The following CLXN variants were observed in gnomAD, a reference collection of about 807,000 sequenced individuals.
CLXN encodes the protein EF-hand calcium binding domain 1.
At chr8:48,720,759 C>T in the CLXN span, among the ~76,000 whole-genome samples, 4 of 152,122 alleles carry the variant, frequency 2.6e-5, no homozygotes, top group Admixed American at 2.0e-4. Flanking sequence ...CCTATTCTTA[C>T]AGCCCCTCCC....
chr8:48,711,072 T>TAATG, the CLXN span: 1 of 152,164 alleles, frequency 6.6e-6, no homozygotes, highest in South Asian at 2.1e-4. Flanking sequence ...AGAACATGGG[T>TAATG]AATGGCCTGG....
At chr8:48,729,090 T>G in the CLXN span, 1 of 1,613,572 alleles carries the variant, frequency 6.2e-7, no homozygotes, top group Admixed American at 1.7e-5. Flanking sequence ...GAAGAGTCTC[T>G]TCTCTCACAG....
the CLXN span, among the ~76,000 whole-genome samples, chr8:48,725,831 A>C: frequency 6.6e-6 from 1 of 151,830 alleles, no homozygotes; most frequent in Non-Finnish European, 1.5e-5. Context: ...ATAAATAAAT[A>C]AATAAATAAA....
chr8:48,727,689 G>A, the CLXN span, among the ~76,000 whole-genome samples: 1 of 152,132 alleles, frequency 6.6e-6, no homozygotes, highest in Non-Finnish European at 1.5e-5. Context: ...AACCCTCTGG[G>A]GGGTTTTGAG....
the CLXN span, chr8:48,711,057 G>A: frequency 2.0e-5 from 3 of 152,184 alleles, no homozygotes; most frequent in East Asian, 3.9e-4. Context: ...GAGGCAGTCA[G>A]GGCTAGAACA....
chr8:48,733,066 T>G, the CLXN span, among the ~76,000 whole-genome samples: 1 of 152,196 alleles, frequency 6.6e-6, no homozygotes, highest in South Asian at 2.1e-4. Flanking sequence ...TGCCATGAAA[T>G]TAAGCACTTA....
At chr8:48,729,992 GA>G in the CLXN span, 1 of 812,184 alleles carries the variant, frequency 1.2e-6, no homozygotes, top group Non-Finnish European at 1.9e-6. Context: ...AGTGCAGCCT[GA>G]TTTGCATTGT....
chr8:48,721,152 C>A, the CLXN span, among the ~76,000 whole-genome samples: 1 of 152,134 alleles, frequency 6.6e-6, no homozygotes, highest in South Asian at 2.1e-4. Flanking sequence ...AAAAATCAGT[C>A]ACGTTTCTAC....
the CLXN span, chr8:48,729,015 A>T: frequency 8.4e-6 from 13 of 1,545,656 alleles, no homozygotes; most frequent in Non-Finnish European, 1.1e-5. Flanking sequence ...TACTTTGATT[A>T]CCGTTCAGGG....
chr8:48,728,993 T>C, the CLXN span: 3 of 1,391,064 alleles, frequency 2.2e-6, no homozygotes, highest in Non-Finnish European at 3.0e-6. Flanking sequence ...AGTCCTGGGT[T>C]GTTCTACATT....
chr8:48,731,621 T>G, the CLXN span: 25 of 751,348 alleles, frequency 3.3e-5, no homozygotes, highest in Non-Finnish European at 5.0e-5. Flanking sequence ...TAATTGTCAA[T>G]AGAAGACTCT....
the CLXN span, chr8:48,728,959 G>A: frequency 1.1e-6 from 1 of 907,722 alleles, no homozygotes; most frequent in Non-Finnish European, 1.7e-6. Context: ...GGATTTGTCT[G>A]ATCCACTACC....
chr8:48,722,387 A>G, the CLXN span, among the ~76,000 whole-genome samples: 1 of 152,222 alleles, frequency 6.6e-6, no homozygotes, highest in African/African-American at 2.4e-5. Context: ...CACAAAATTA[A>G]AAGTGGGACT....
the CLXN span, chr8:48,735,221 C>G: frequency 3.2e-6 from 5 of 1,549,652 alleles, no homozygotes; most frequent in African/African-American, 1.4e-5. Flanking sequence ...CCTCGCGGGA[C>G]CCCCGCGAGC....
chr8:48,714,641 G>C, the CLXN span, among the ~76,000 whole-genome samples: 1 of 152,200 alleles, frequency 6.6e-6, no homozygotes, highest in Non-Finnish European at 1.5e-5. Context: ...GCTCATGACG[G>C]TCCGTGATAC....
At chr8:48,721,965 G>C in the CLXN span, among the ~76,000 whole-genome samples, 1 of 152,072 alleles carries the variant, frequency 6.6e-6, no homozygotes, top group Non-Finnish European at 1.5e-5. Flanking sequence ...AAACAAATCT[G>C]CAAAGAAAAG....
At chr8:48,715,509 G>GT in the CLXN span, 1 of 152,230 alleles carries the variant, frequency 6.6e-6, no homozygotes, top group Non-Finnish European at 1.5e-5. Context: ...AAAGGGGATC[G>GT]TTTTGGCTGT....
chr8:48,713,148 G>T, the CLXN span, among the ~76,000 whole-genome samples: 1 of 152,176 alleles, frequency 6.6e-6, no homozygotes. Context: ...GACACCATCT[G>T]CCTCAATCCC....
At chr8:48,724,896 A>T in the CLXN span, 4 of 1,015,704 alleles carry the variant, frequency 3.9e-6, no homozygotes, top group Non-Finnish European at 4.4e-6. Flanking sequence ...AGACAGGATA[A>T]CTGAGGGTTA....
Sources: gnomAD v4.1 joint callset for allele counts (sites outside exome capture counted in the v4.1 genomes callset) on GRCh38, gnomAD v4.1.1 for gene constraint, MANE v1.5 for transcripts, NCBI Gene and HGNC (gene_info 2026-07-23, HGNC 2026-07-21) for gene names.